ENTREP2: variants seen among roughly 807,000 people sequenced by gnomAD.
ENTREP2 encodes protein ENTREP2.
the ENTREP2 span, among the ~76,000 whole-genome samples, chr15:29,138,230 G>T: frequency 1.3e-5 from 2 of 152,146 alleles, no homozygotes; most frequent in African/African-American, 4.8e-5. Context: ...TGAACACCGA[G>T]ATGCTGCTTT....
chr15:29,562,921 G>A, the ENTREP2 span, among the ~76,000 whole-genome samples: 1 of 152,086 alleles, frequency 6.6e-6, no homozygotes, highest in African/African-American at 2.4e-5. Flanking sequence ...CTCCCAAGTA[G>A]GTGGAACTAC....
chr15:29,118,772 C>T, the ENTREP2 span, among the ~76,000 whole-genome samples: 2 of 150,478 alleles, frequency 1.3e-5, no homozygotes, highest in African/African-American at 4.9e-5. Context: ...TGCAGCCTGT[C>T]TAGAGTGACA....
the ENTREP2 span, among the ~76,000 whole-genome samples, chr15:29,181,322 C>T: frequency 6.6e-6 from 1 of 152,108 alleles, no homozygotes; most frequent in African/African-American, 2.4e-5. Flanking sequence ...TTTTACCAAA[C>T]ATTCAATTCA....
chr15:29,325,826 A>G, the ENTREP2 span, among the ~76,000 whole-genome samples: 4,675 of 152,274 alleles, frequency 0.031, 234 homozygotes, highest in African/African-American at 0.11. Flanking sequence ...AAGATCTCTC[A>G]TGGACATAAA....
the ENTREP2 span, among the ~76,000 whole-genome samples, chr15:29,649,896 G>A: frequency 6.6e-6 from 1 of 152,112 alleles, no homozygotes; most frequent in Non-Finnish European, 1.5e-5. Flanking sequence ...ATGCACAACA[G>A]AGCTTCTACC....
the ENTREP2 span, among the ~76,000 whole-genome samples, chr15:29,129,099 T>G: frequency 6.6e-6 from 1 of 152,246 alleles, no homozygotes; most frequent in African/African-American, 2.4e-5. Flanking sequence ...AGTCTTGCTC[T>G]GTCACCCAGG....
chr15:29,273,110 G>A, the ENTREP2 span, among the ~76,000 whole-genome samples: 1 of 152,006 alleles, frequency 6.6e-6, no homozygotes, highest in East Asian at 1.9e-4. Context: ...TGGCCAAGAG[G>A]GGGTCTGTTC....
the ENTREP2 span, among the ~76,000 whole-genome samples, chr15:29,575,947 AC>A: frequency 6.6e-6 from 1 of 152,094 alleles, no homozygotes; most frequent in Non-Finnish European, 1.5e-5. Context: ...CCCTATCAAA[AC>A]TCCAACAGCC....
At chr15:29,328,668 C>G in the ENTREP2 span, among the ~76,000 whole-genome samples, 1 of 152,108 alleles carries the variant, frequency 6.6e-6, no homozygotes, top group Non-Finnish European at 1.5e-5. Context: ...CCACTACTCA[C>G]GTATTTTGAA....
the ENTREP2 span, among the ~76,000 whole-genome samples, chr15:29,510,809 CAAA>C: frequency 1.6e-5 from 2 of 124,226 alleles, no homozygotes. Flanking sequence ...GACTCCATCT[CAAA>C]AAAAAAAAAA....
chr15:29,206,462 T>C, the ENTREP2 span, among the ~76,000 whole-genome samples: 1 of 152,102 alleles, frequency 6.6e-6, no homozygotes, highest in African/African-American at 2.4e-5. Context: ...AAGGCACTGG[T>C]AAGACCCCAA....
the ENTREP2 span, among the ~76,000 whole-genome samples, chr15:29,441,960 C>T: frequency 6.6e-6 from 1 of 152,184 alleles, no homozygotes; most frequent in African/African-American, 2.4e-5. Flanking sequence ...CAACATTTCC[C>T]ATGAGCCTCT....
the ENTREP2 span, among the ~76,000 whole-genome samples, chr15:29,630,402 T>G: frequency 2.0e-5 from 3 of 152,192 alleles, no homozygotes; most frequent in African/African-American, 7.2e-5. Flanking sequence ...TTGTGTTTTT[T>G]GGGGATTTTT....
At chr15:29,604,162 C>T in the ENTREP2 span, among the ~76,000 whole-genome samples, 154 of 152,090 alleles carry the variant, frequency 1.0e-3, no homozygotes, top group African/African-American at 2.9e-3. Context: ...TTTCACAAAA[C>T]GAAGAAATAC....
chr15:29,152,209 T>C, the ENTREP2 span, among the ~76,000 whole-genome samples: 1 of 152,218 alleles, frequency 6.6e-6, no homozygotes, highest in Non-Finnish European at 1.5e-5. Flanking sequence ...CTTGAGATAA[T>C]TGTATATTCA....
the ENTREP2 span, among the ~76,000 whole-genome samples, chr15:29,669,612 T>C: frequency 6.6e-6 from 1 of 152,194 alleles, no homozygotes; most frequent in Non-Finnish European, 1.5e-5. Context: ...CATCCGAGGC[T>C]TATCCAGAGG....
the ENTREP2 span, among the ~76,000 whole-genome samples, chr15:29,492,623 G>T: frequency 1.3e-5 from 2 of 152,120 alleles, no homozygotes; most frequent in African/African-American, 4.8e-5. Context: ...TAATATAGAG[G>T]TATAACTTTT....
chr15:29,267,075 A>C, the ENTREP2 span: 1 of 152,372 alleles, frequency 6.6e-6, no homozygotes, highest in Non-Finnish European at 1.5e-5. Flanking sequence ...AAATGCCTGT[A>C]AGGGCCAAAC....
chr15:29,672,398 T>C, the ENTREP2 span, among the ~76,000 whole-genome samples: 1 of 152,318 alleles, frequency 6.6e-6, no homozygotes, highest in East Asian at 1.9e-4. Context: ...TTCAAATGGG[T>C]CCTTGACTAC....
Sources: allele counts gnomAD v4.1 joint callset (sites outside exome capture counted in the v4.1 genomes callset), GRCh38; gene constraint gnomAD v4.1.1; transcripts MANE v1.5; gene names NCBI Gene and HGNC (gene_info 2026-07-23, HGNC 2026-07-21).